TMEM232: variants seen among roughly 807,000 people sequenced by gnomAD.
TMEM232 encodes the protein transmembrane protein 232.
In TMEM232, 80 loss-of-function variants were observed where a neutral mutation model predicts 78.8. That is an observed-to-expected ratio of 1.01 (90% confidence interval 0.85 to 1.22). TMEM232 has a LOEUF of 1.22. Ranked by LOEUF, TMEM232 falls within the 50% of genes most tolerant of loss-of-function variation. The pLI, the probability that TMEM232 is intolerant of heterozygous loss-of-function variation, is 0.00. For missense variants in TMEM232, 881 were observed against 742.2 expected (o/e 1.19, Z -2.17); for synonymous variants, 297 against 254.3 (o/e 1.17, Z -1.60).
intron 12 of TMEM232, among the ~76,000 whole-genome samples, chr5:110,475,984 C>T (rs973601446): frequency 2.6e-5 from 4 of 151,986 alleles, no homozygotes; most frequent in Non-Finnish European, 5.9e-5. Context: ...ACTTTCAACA[C>T]AGAATCGTTT....
chr5:110,693,194 G>C (rs1259514321), intron 1 of TMEM232, among the ~76,000 whole-genome samples: 3 of 152,150 alleles, frequency 2.0e-5, no homozygotes, highest in African/African-American at 7.2e-5. Context: ...AGGCAAACAG[G>C]GTCTGGAATG....
At chr5:110,674,422 A>T (rs1791766689) in intron 1 of TMEM232, among the ~76,000 whole-genome samples, 1 of 152,244 alleles carries the variant, frequency 6.6e-6, no homozygotes, top group African/African-American at 2.4e-5. Context: ...CCAAAGAAAT[A>T]AGAAACCAAG....
In TMEM232 at chr5:110,610,434, T is replaced by C. The variant is rs370035152; in HGVS notation, c.903-4147A>G. 16 of 242,478 alleles carry C rather than the reference T, an allele frequency of 6.6e-5. No homozygotes were observed. In the East Asian group the frequency reaches 9.8e-4, roughly 15 times the overall value. 15.0% of individuals were successfully genotyped at this position (242,478 alleles called of 1,614,324 possible). ...ATGTAAAAAATAAAATAAAAATAAA[T>C]AAAAACCCCTAAGCACAGAGAGGCA... On this transcript the variant is annotated intron_variant, in intron 8 of 13. Transcript: ENST00000455884.
At chr5:110,523,070 T>G (rs1195106597) in intron 12 of TMEM232, among the ~76,000 whole-genome samples, 3 of 152,224 alleles carry the variant, frequency 2.0e-5, no homozygotes, top group Non-Finnish European at 4.4e-5. Context: ...TATTTACTGA[T>G]TCAATCTCCA....
intron 12 of TMEM232, among the ~76,000 whole-genome samples, chr5:110,501,895 G>C (rs759728594): frequency 3.9e-5 from 6 of 152,120 alleles, no homozygotes; most frequent in Admixed American, 2.6e-4. Context: ...GTCTAATCTT[G>C]TAGGGAAGTG....
chr5:110,411,929 C>G (rs311717), intron 2 of TMEM232, among the ~76,000 whole-genome samples: 1 of 151,880 alleles, frequency 6.6e-6, no homozygotes, highest in African/African-American at 2.4e-5. Context: ...ACTGTAATAT[C>G]TAAATTATGA....
chr5:110,429,268 T>C (rs1002410042), intron 12 of TMEM232, among the ~76,000 whole-genome samples: 1 of 151,756 alleles, frequency 6.6e-6, no homozygotes, highest in East Asian at 1.9e-4. Context: ...TCTACCTGGA[T>C]GGATTATGCA....
chr5:110,573,108 A>G (rs1353501362), intron 10 of TMEM232, among the ~76,000 whole-genome samples: 2 of 152,072 alleles, frequency 1.3e-5, no homozygotes. Context: ...ATAAATTCAA[A>G]AATTTTATTA....
chr5:110,456,843 T>C (rs1046059617), intron 12 of TMEM232, among the ~76,000 whole-genome samples: 2 of 152,046 alleles, frequency 1.3e-5, no homozygotes, highest in African/African-American at 4.8e-5. Context: ...AAGAGGAACT[T>C]TGACACATAC....
chr5:110,566,828 CCCAATTTACTGTATCAGT>C (rs968756702), intron 11 of TMEM232, among the ~76,000 whole-genome samples: 1 of 151,880 alleles, frequency 6.6e-6, no homozygotes, highest in Admixed American at 6.6e-5. Flanking sequence ...CTCTACCAAT[CCCAATTTACTGTATCAGT>C]CCATTTTCGT....
chr5:110,573,432 C>A (rs1177925000), intron 10 of TMEM232, among the ~76,000 whole-genome samples: 2 of 151,956 alleles, frequency 1.3e-5, no homozygotes, highest in Non-Finnish European at 1.5e-5. Flanking sequence ...GGAACTAGAT[C>A]AACGCCAAGA....
intron 12 of TMEM232, among the ~76,000 whole-genome samples, chr5:110,426,978 T>C (rs986290759): frequency 7.9e-5 from 12 of 151,924 alleles, no homozygotes; most frequent in African/African-American, 2.9e-4. Flanking sequence ...CAACATAATA[T>C]CAAAAGACCT....
chr5:110,409,381 T>C (rs948159916), intron 2 of TMEM232, among the ~76,000 whole-genome samples: 3 of 152,234 alleles, frequency 2.0e-5, no homozygotes, highest in Non-Finnish European at 4.4e-5. Flanking sequence ...ATCAAGTTCA[T>C]GCACATACAG....
chr5:110,433,744 G>A (rs12657133), intron 12 of TMEM232, among the ~76,000 whole-genome samples: 13,663 of 26,872 alleles, frequency 0.51, 777 homozygotes, highest in South Asian at 0.56. Context: ...TGATCAAATC[G>A]TTTTTAAATT....
Position 110,419,827 on chromosome 5 carries a change from C to T in TMEM232, c.*753G>A, listed in dbSNP as rs1756466007. On this transcript the variant is annotated 3_prime_UTR_variant, in exon 14 of 14. Coordinates refer to ENST00000455884, the MANE Select transcript of TMEM232 (RefSeq NM_001039763.4). Reference sequence around the variant, plus strand: ...ATCACAAAAACTCCACCCTATTACTCTTACTCATAGGTTCAGAACTTCAGA... The same window carrying T: ...ATCACAAAAACTCCACCCTATTACTTTTACTCATAGGTTCAGAACTTCAGA... Among the ~76,000 whole-genome samples the T allele has an allele frequency of 6.6e-6, 1 of 152,122 alleles. No homozygotes were observed. Among genetic ancestry groups the T allele is most frequent in the Non-Finnish European group, 1.5e-5 (1 of 67,988 alleles).
intron 12 of TMEM232, among the ~76,000 whole-genome samples, chr5:110,470,664 G>A (rs891763067): frequency 6.6e-5 from 10 of 152,186 alleles, no homozygotes; most frequent in African/African-American, 2.4e-4. Flanking sequence ...TATTGCTGAT[G>A]TTGATTGCAA....
intron 1 of TMEM232, among the ~76,000 whole-genome samples, chr5:110,669,897 T>C (rs1791132014): frequency 6.6e-6 from 1 of 152,166 alleles, no homozygotes; most frequent in African/African-American, 2.4e-5. Context: ...ATTATCTCAA[T>C]AGATGCAGAA....
intron 1 of TMEM232, among the ~76,000 whole-genome samples, chr5:110,689,827 T>C (rs926699127): frequency 6.6e-6 from 1 of 151,968 alleles, no homozygotes; most frequent in Admixed American, 6.6e-5. Context: ...ACAGAAATAA[T>C]GCCACACATC....
intron 1 of TMEM232, chr5:110,725,664 T>C (rs1001146308): frequency 6.6e-6 from 1 of 152,240 alleles, no homozygotes; most frequent in Admixed American, 6.5e-5. Context: ...TTTCAGCTCA[T>C]GAAATGGCTC....
Sources: gnomAD v4.1 joint callset for allele counts (sites outside exome capture counted in the v4.1 genomes callset) on GRCh38, gnomAD v4.1.1 for gene constraint, MANE v1.5 for transcripts, NCBI Gene and HGNC (gene_info 2026-07-23, HGNC 2026-07-21) for gene names.